LMNTD1: variants seen among roughly 807,000 people sequenced by gnomAD.
LMNTD1 encodes the protein lamin tail domain containing 1.
LMNTD1 carries 35 observed loss-of-function variants against 50.9 expected under a neutral mutation model. That is an observed-to-expected ratio of 0.69 (90% confidence interval 0.53 to 0.91). The LOEUF is 0.91. Among genes scored for constraint, LMNTD1 ranks in the 40% least tolerant of loss-of-function variants. The pLI is 0.00. For synonymous variants in LMNTD1, 153 were observed against 161.9 expected (o/e 0.94, Z 0.42); for missense variants, 470 against 475.5 (o/e 0.99, Z 0.11).
chr12:25,604,443 ACC>A (rs1360602542), intron 1 of LMNTD1, among the ~76,000 whole-genome samples: 2 of 151,990 alleles, frequency 1.3e-5, no homozygotes, highest in Non-Finnish European at 2.9e-5. Context: ...GGTGTGCTGC[ACC>A]CATTAACTCG....
intron 1 of LMNTD1, among the ~76,000 whole-genome samples, chr12:25,577,142 T>C (rs1472405026): frequency 6.6e-6 from 1 of 152,236 alleles, no homozygotes; most frequent in Admixed American, 6.5e-5. Context: ...GCCAGCTTTG[T>C]TCTTTTGGCT....
chr12:25,480,195 G>A (rs2135903573), intron 9 of LMNTD1, among the ~76,000 whole-genome samples: 1 of 152,278 alleles, frequency 6.6e-6, no homozygotes, highest in South Asian at 2.1e-4. Context: ...TACATGTGTG[G>A]CTGCCACACA....
intron 8 of LMNTD1, among the ~76,000 whole-genome samples, chr12:25,505,684 G>A (rs1231587999): frequency 2.0e-5 from 3 of 152,046 alleles, no homozygotes; most frequent in South Asian, 2.1e-4. Context: ...CACAGGACCC[G>A]TTAGTATTTT....
At chr12:25,616,568 A>G (rs1946357737) in intron 1 of LMNTD1, among the ~76,000 whole-genome samples, 1 of 152,176 alleles carries the variant, frequency 6.6e-6, no homozygotes, top group Non-Finnish European at 1.5e-5. Context: ...CCTGGTGGTG[A>G]TGGAAATGTT....
In LMNTD1 at chr12:25,627,273, A is replaced by C. The variant is rs139496666; in HGVS notation, c.58+21221T>G. 5.1e-4 allele frequency among the ~76,000 whole-genome samples: 78 copies of C among 152,268 alleles called. No homozygotes were observed. The East Asian group carries it at 0.013, about 25-fold the overall frequency. ...ATGAGCCTCTGAAAGGCATCCATGG[A>C]GGGAGGTTTGTTCTTTTTTTCTTTC... is the stretch of plus-strand genomic sequence containing the variant. On this transcript the variant is annotated intron_variant, in intron 1 of 7. Transcript: ENST00000445693.
intron 1 of LMNTD1, among the ~76,000 whole-genome samples, chr12:25,646,563 C>T (rs1172325331): frequency 6.6e-6 from 1 of 152,152 alleles, no homozygotes; most frequent in African/African-American, 2.4e-5. Flanking sequence ...ATGTCTGCCA[C>T]TCATGTGTGT....
intron 1 of LMNTD1, among the ~76,000 whole-genome samples, chr12:25,637,032 T>G (rs1946850297): frequency 6.6e-6 from 1 of 152,110 alleles, no homozygotes; most frequent in African/African-American, 2.4e-5. Flanking sequence ...GCAGATATGG[T>G]ACAGTGTATA....
chr12:25,610,342 C>T (rs1946213657), intron 1 of LMNTD1, among the ~76,000 whole-genome samples: 1 of 152,242 alleles, frequency 6.6e-6, no homozygotes, highest in East Asian at 1.9e-4. Flanking sequence ...CTGTGGGCTG[C>T]ACCCACTTTC....
intron 1 of LMNTD1, among the ~76,000 whole-genome samples, chr12:25,630,095 G>A (rs987894787): frequency 1.3e-5 from 2 of 152,164 alleles, no homozygotes; most frequent in South Asian, 4.1e-4. Context: ...AAAATGAGGA[G>A]TGGTTAGGGT....
intron 8 of LMNTD1, among the ~76,000 whole-genome samples, chr12:25,515,770 A>G (rs2666786): frequency 0.74 from 112,233 of 151,686 alleles, 42,442 homozygotes; most frequent in East Asian, 0.88. Flanking sequence ...GCTCCTCTGT[A>G]GCATATTTGA....
intron 2 of LMNTD1, among the ~76,000 whole-genome samples, chr12:25,551,160 T>G (rs1943722486): frequency 6.6e-6 from 1 of 152,242 alleles, no homozygotes; most frequent in Non-Finnish European, 1.5e-5. Flanking sequence ...TGCTTTTCTC[T>G]TTCAACATTC....
intron 4 of LMNTD1, among the ~76,000 whole-genome samples, chr12:25,538,582 A>C (rs1367597681): frequency 7.0e-6 from 1 of 141,898 alleles, no homozygotes; most frequent in South Asian, 2.4e-4. Flanking sequence ...AGCGCTAAAC[A>C]TGGAAAGGAA....
intron 1 of LMNTD1, among the ~76,000 whole-genome samples, chr12:25,647,429 G>T (rs899485054): frequency 2.0e-5 from 3 of 152,334 alleles, no homozygotes; most frequent in Admixed American, 6.5e-5. Context: ...GGCAGAGGTT[G>T]CAGTGAGCTG....
chr12:25,594,724 C>A (rs886843198), intron 1 of LMNTD1, among the ~76,000 whole-genome samples: 2 of 147,524 alleles, frequency 1.4e-5, no homozygotes, highest in African/African-American at 5.0e-5. Flanking sequence ...AATGGCACCT[C>A]ACATCTCAAT....
intron 1 of LMNTD1, among the ~76,000 whole-genome samples, chr12:25,608,398 C>A (rs375795796): frequency 1.3e-5 from 2 of 151,974 alleles, no homozygotes; most frequent in East Asian, 1.9e-4. Flanking sequence ...GTTATTTTGC[C>A]GGTTACTTTA....
At chr12:25,637,287 C>T (rs142401897) in intron 1 of LMNTD1, among the ~76,000 whole-genome samples, 1,772 of 151,950 alleles carry the variant, frequency 0.012, 15 homozygotes, top group Non-Finnish European at 0.02. Context: ...ACCCAGATGT[C>T]GGAATTAGTA....
intron 1 of LMNTD1, among the ~76,000 whole-genome samples, chr12:25,564,551 C>A (rs1944474250): frequency 6.6e-6 from 1 of 152,104 alleles, no homozygotes; most frequent in East Asian, 1.9e-4. Flanking sequence ...ACCACCATGC[C>A]CGGCTTGATT....
chr12:25,539,190 C>A (rs1308762817), intron 4 of LMNTD1, among the ~76,000 whole-genome samples: 2 of 142,712 alleles, frequency 1.4e-5, no homozygotes, highest in Non-Finnish European at 3.1e-5. Context: ...ACAAGGATAC[C>A]CAGGAATTGA....
At chr12:25,542,930 T>C (rs1943192112) in intron 4 of LMNTD1, among the ~76,000 whole-genome samples, 1 of 151,682 alleles carries the variant, frequency 6.6e-6, no homozygotes, top group African/African-American at 2.4e-5. Context: ...GATGACCATA[T>C]GAGAAATGAG....
Sources: allele counts gnomAD v4.1 joint callset (sites outside exome capture counted in the v4.1 genomes callset), GRCh38; gene constraint gnomAD v4.1.1; transcripts MANE v1.5; gene names NCBI Gene and HGNC (gene_info 2026-07-23, HGNC 2026-07-21).